The following NEGR1 variants were observed in gnomAD, a reference collection of about 807,000 sequenced individuals.
NEGR1 encodes IgLON family member 4.
Under a neutral mutation model 40.9 loss-of-function variants are expected in NEGR1, and 10 were observed. The ratio of observed to expected loss-of-function variants is 0.24; its 90% confidence interval spans 0.15 to 0.42. The LOEUF (loss-of-function observed/expected upper bound fraction) is 0.42. Among genes scored for constraint, NEGR1 ranks in the 10% least tolerant of loss-of-function variants. NEGR1 has a pLI of 1.00. For missense variants in NEGR1, 352 were observed against 438.9 expected, an observed-to-expected ratio of 0.80 and a Z score of 1.77; for synonymous variants, 185 against 166.8, an observed-to-expected ratio of 1.11 and a Z score of -0.84.
intron 1 of NEGR1, among the ~76,000 whole-genome samples, chr1:72,111,388 C>A (rs1649365682): frequency 1.3e-5 from 2 of 151,606 alleles, no homozygotes; most frequent in South Asian, 4.2e-4. Context: ...GAAAAATTAA[C>A]CATTTGGCTT....
Position 72,104,276 on chromosome 1 carries a change from T to C in NEGR1, c.177-168965A>G, listed in dbSNP as rs530161633. Among the ~76,000 whole-genome samples, 3 of 152,242 alleles carry C rather than the reference T, an allele frequency of 2.0e-5. No homozygotes were observed. In the South Asian group the frequency reaches 6.2e-4, roughly 32 times the overall value. On this transcript the variant is annotated intron_variant, in intron 1 of 6. Coordinates refer to ENST00000357731, the MANE Select transcript of NEGR1 (RefSeq NM_173808.3). ...AGTTAAGGGTTGTGATACTGGGAGA[T>C]AAGCTTGGATTATCTGGTTGGGCCC... is the stretch of plus-strand genomic sequence containing the variant.
At chr1:71,593,110 A>G in intron 5 of NEGR1, 142 bp from the exon 6 acceptor site, 2 of 541,996 alleles carry the variant, frequency 3.7e-6, no homozygotes, top group Non-Finnish European at 6.7e-6. Flanking sequence ...GGTGCAATTT[A>G]CATTTCACTT....
At chr1:71,999,669 A>T (rs1184760858) in intron 1 of NEGR1, among the ~76,000 whole-genome samples, 8 of 49,664 alleles carry the variant, frequency 1.6e-4, no homozygotes, top group Non-Finnish European at 3.2e-4. Context: ...ATATATATAT[A>T]TATATATATA....
chr1:72,170,481 A>G (rs1182051656), intron 1 of NEGR1, among the ~76,000 whole-genome samples: 1 of 152,158 alleles, frequency 6.6e-6, no homozygotes, highest in East Asian at 1.9e-4. Context: ...GGCACATGAT[A>G]GGTATTCAAA....
At chr1:71,475,880 C>G (rs1646816402) in intron 6 of NEGR1, among the ~76,000 whole-genome samples, 1 of 151,854 alleles carries the variant, frequency 6.6e-6, no homozygotes, top group South Asian at 2.1e-4. Context: ...TTTCTAGAGA[C>G]TATAATATCT....
In NEGR1 at chr1:72,257,725, C is replaced by T. The variant is rs1365005918; in HGVS notation, c.176+24594G>A. On this transcript the variant is annotated intron_variant, in intron 1 of 6. Coordinates refer to ENST00000357731, the MANE Select transcript of NEGR1 (RefSeq NM_173808.3). ...TCTTTTGTGACCTATTTTATCTTCC[C>T]AGTCCTGAGAAATGTTAACCATAAT... 2.0e-5 allele frequency among the ~76,000 whole-genome samples: 3 copies of T among 152,238 alleles called. No homozygotes were observed. The East Asian group carries it at 5.8e-4, about 29-fold the overall frequency.
At chr1:72,070,075 T>C (rs2100508514) in intron 1 of NEGR1, among the ~76,000 whole-genome samples, 1 of 152,242 alleles carries the variant, frequency 6.6e-6, no homozygotes, top group South Asian at 2.1e-4. Context: ...GTTACAGACA[T>C]ACATTTAAGA....
At chr1:72,123,004 C>A (rs367627648) in intron 1 of NEGR1, among the ~76,000 whole-genome samples, 53 of 151,778 alleles carry the variant, frequency 3.5e-4, no homozygotes, top group African/African-American at 1.0e-3. Flanking sequence ...TCCTGGAATA[C>A]CCTTTTAAAA....
intron 1 of NEGR1, among the ~76,000 whole-genome samples, chr1:71,953,949 C>T (rs902575989): frequency 1.3e-5 from 2 of 151,804 alleles, no homozygotes; most frequent in African/African-American, 4.8e-5. Flanking sequence ...CACTTTATCG[C>T]AGTGGTCTGG....
intron 1 of NEGR1, among the ~76,000 whole-genome samples, chr1:72,021,055 T>TA (rs1646751833): frequency 1.3e-5 from 2 of 152,152 alleles, no homozygotes; most frequent in African/African-American, 4.8e-5. Context: ...TAACACATAC[T>TA]AAAAGTCCTG....
chr1:72,073,493 T>C (rs1647567272), intron 1 of NEGR1, among the ~76,000 whole-genome samples: 2 of 152,136 alleles, frequency 1.3e-5, no homozygotes, highest in Admixed American at 1.3e-4. Context: ...GAGATGTTTA[T>C]AGCTAAGAAA....
At chr1:71,592,205 C>T (rs1171443536) in intron 6 of NEGR1, among the ~76,000 whole-genome samples, 2 of 151,970 alleles carry the variant, frequency 1.3e-5, no homozygotes, top group Non-Finnish European at 2.9e-5. Flanking sequence ...TTACCCGATC[C>T]TTGTGTTTGT....
rs532369791 is a variant in NEGR1 at position 71,742,005 on chromosome 1, T to C, written c.535+34167A>G. 2.0e-5 allele frequency among the ~76,000 whole-genome samples: 3 copies of C among 152,210 alleles called. No individual in the cohort carries two copies. The East Asian group carries it at 5.8e-4, about 29-fold the overall frequency. On this transcript the variant is annotated intron_variant, in intron 3 of 6. Coordinates refer to ENST00000357731, the MANE Select transcript of NEGR1 (RefSeq NM_173808.3). ...TCTCACCAGGCCCCACCTCCAATAC[T>C]GGGGATTACAATTCAACATGAGATT...
intron 3 of NEGR1, among the ~76,000 whole-genome samples, chr1:71,746,096 A>T (rs953981170): frequency 1.3e-5 from 2 of 152,134 alleles, no homozygotes; most frequent in African/African-American, 4.8e-5. Flanking sequence ...GTTTTCCCTT[A>T]TCTTTGGATC....
chr1:72,049,396 ATC>A (rs1484058569), intron 1 of NEGR1, among the ~76,000 whole-genome samples: 1 of 151,584 alleles, frequency 6.6e-6, no homozygotes, highest in Non-Finnish European at 1.5e-5. Flanking sequence ...CTTAGAAAGA[ATC>A]TGAGGATGTT....
intron 6 of NEGR1, among the ~76,000 whole-genome samples, chr1:71,543,088 C>G (rs1647768881): frequency 6.6e-6 from 1 of 151,612 alleles, no homozygotes; most frequent in Non-Finnish European, 1.5e-5. Context: ...CTTCATAAAG[C>G]CAGGAACTGT....
intron 3 of NEGR1, among the ~76,000 whole-genome samples, chr1:71,717,588 T>C (rs1294517887): frequency 6.6e-6 from 1 of 152,216 alleles, no homozygotes; most frequent in Non-Finnish European, 1.5e-5. Flanking sequence ...GTACTTGATA[T>C]CTAATAGCAT....
chr1:71,616,128 G>T (rs1201846829), intron 4 of NEGR1, among the ~76,000 whole-genome samples: 5 of 152,314 alleles, frequency 3.3e-5, no homozygotes, highest in Non-Finnish European at 5.9e-5. Context: ...CTTAGAAATT[G>T]TGATGTACAT....
intron 2 of NEGR1, among the ~76,000 whole-genome samples, chr1:71,788,549 T>C (rs981635002): frequency 6.6e-6 from 1 of 152,142 alleles, no homozygotes; most frequent in Non-Finnish European, 1.5e-5. Flanking sequence ...TATTTAAATA[T>C]AAATCACAAA....
Sources: gnomAD v4.1 joint callset for allele counts (sites outside exome capture counted in the v4.1 genomes callset) on GRCh38, gnomAD v4.1.1 for gene constraint, MANE v1.5 for transcripts, NCBI Gene and HGNC (gene_info 2026-07-23, HGNC 2026-07-21) for gene names.